Variants in PDE6B observed in about 807,000 individuals in gnomAD.
The protein encoded by PDE6B is rod cGMP-specific 3',5'-cyclic phosphodiesterase subunit beta.
Under a neutral mutation model 109.0 loss-of-function variants are expected in PDE6B, and 106 were observed. That is an observed-to-expected ratio of 0.97 (90% CI 0.83 to 1.14). PDE6B has a LOEUF of 1.14. PDE6B is among the 50% of genes most tolerant of loss of function. PDE6B has a pLI of 0.00. For synonymous variants in PDE6B, 490 were observed against 471.3 expected (o/e 1.04, Z -0.51); for missense variants, 1,193 against 1,155.6 (o/e 1.03, Z -0.47).
rs1737802350 is a variant in PDE6B at position 666,449 on chromosome 4, G to C, written c.2269-82G>C. On this transcript the variant is annotated intron_variant, in intron 19 of 21. Transcript: ENST00000496514. This position sits in a 1 kb window ranked among gnomAD's most constrained non-coding sequence, Gnocchi z 5.6. The stretch of plus-strand genomic sequence containing the variant: ...GCTGTGTCTCCATGAGCACATCTGA[G>C]TGAGGGGGTCGGGGGGCTGGGCGGG... 1 of 882,550 alleles carries C rather than the reference G, an allele frequency of 1.1e-6. No homozygotes were observed. Among genetic ancestry groups the C allele is most frequent in the Non-Finnish European group, 1.9e-6 (1 of 517,456 alleles). The allele number at this position is 882,550 out of a possible 1,614,324, so 54.7% of individuals were successfully genotyped here.
In PDE6B at chr4:650,666, G is replaced by C. The variant is rs559651479; in HGVS notation, c.712-3186G>C. On this transcript the variant is annotated intron_variant, in intron 3 of 21. Coordinates refer to ENST00000496514, the MANE Select transcript of PDE6B (RefSeq NM_000283.4). ...CAGCTCCGACACCCACACACAGGGA[G>C]GGGGGCCGGCAGGGAGGGCTGGCGT... Among the ~76,000 whole-genome samples the C allele has an allele frequency of 4.6e-5, 7 of 152,328 alleles. 1 individual carries two copies. The South Asian group carries it at 1.2e-3, about 27-fold the overall frequency.
Position 667,885 on chromosome 4 carries a change from G to C in PDE6B, c.2382G>C (p.Leu794=). ...TCTCTCGTTTCCACGAAGAGATCCT[G>C]CCCATGTTCGACCGACTGCAGAACA... The part of the protein sequence containing the change: ...KEFSRFHEEI[L]PMFDRLQNNR... The change falls in exon 21 of 22, where the codon CTG becomes CTC. Residue 794 remains leucine (L), a synonymous_variant. Coordinates refer to ENST00000496514, the MANE Select transcript of PDE6B (RefSeq NM_000283.4). 6.2e-7 allele frequency: 1 copy of C among 1,613,508 alleles called. No individual in the cohort carries two copies. Among genetic ancestry groups the C allele is most frequent in the Non-Finnish European group, 8.5e-7 (1 of 1,179,722 alleles).
intron 21 of PDE6B, among the ~76,000 whole-genome samples, chr4:668,346 C>T (rs904671602): frequency 2.6e-5 from 4 of 151,898 alleles, no homozygotes; most frequent in Non-Finnish European, 5.9e-5. Context: ...GCATCGTGGT[C>T]TTGCCATTGG....
At chr4:650,755 C>T (rs1735467395) in intron 3 of PDE6B, among the ~76,000 whole-genome samples, 1 of 152,010 alleles carries the variant, frequency 6.6e-6, no homozygotes, top group Non-Finnish European at 1.5e-5. Flanking sequence ...TCAGAGCAGG[C>T]CAGGGTCGGA....
intron 1 of PDE6B, among the ~76,000 whole-genome samples, chr4:632,110 G>A (rs1734414647): frequency 6.6e-6 from 1 of 152,030 alleles, no homozygotes; most frequent in South Asian, 2.1e-4. Flanking sequence ...ATGGATTCAT[G>A]TGGCACCATC....
At position 648,965 on chromosome 4, in the gene PDE6B, GA is replaced by G. The variant is rs1307194649; in HGVS notation, c.712-4885del. Among the ~76,000 whole-genome samples the G allele has an allele frequency of 6.6e-6, 1 of 152,254 alleles. No homozygotes were observed. Among genetic ancestry groups the G allele is most frequent in the Non-Finnish European group, 1.5e-5 (1 of 68,042 alleles). On this transcript the variant is annotated intron_variant, in intron 3 of 21. Coordinates refer to ENST00000496514, the MANE Select transcript of PDE6B (RefSeq NM_000283.4). The surrounding 1 kb of genome is among the most constrained non-coding windows in gnomAD (Gnocchi z 4.5). ...TCCTGTGAGGAAGCAGAGCCATTCA[GA>G]AGTGAGAGGCGGCCAGGAGGGGCGG...
At chr4:630,183 C>T (rs1734314954) in intron 1 of PDE6B, among the ~76,000 whole-genome samples, 2 of 152,176 alleles carry the variant, frequency 1.3e-5, no homozygotes, top group South Asian at 4.1e-4. Context: ...CTGCATTTCA[C>T]AATGGGTGGG....
At chr4:659,053 G>A (rs751657020) in intron 11 of PDE6B, 36 bp downstream of exon 11, 15 of 1,490,120 alleles carry the variant, frequency 1.0e-5, no homozygotes, top group African/African-American at 6.9e-5. Flanking sequence ...CATGGAGGCC[G>A]GCCACGTGTG....
Position 665,574 on chromosome 4 carries a change from C to T in PDE6B, c.2268+245C>T, listed in dbSNP as rs532627576. 2.6e-5 allele frequency among the ~76,000 whole-genome samples: 4 copies of T among 152,282 alleles called. No homozygotes were observed. In the East Asian group the frequency reaches 7.7e-4, roughly 29 times the overall value. On this transcript the variant is annotated intron_variant, in intron 19 of 21. Coordinates refer to ENST00000496514, the MANE Select transcript of PDE6B (RefSeq NM_000283.4). The surrounding 1 kb of genome is among the most constrained non-coding windows in gnomAD (Gnocchi z 4.0). ...ACTGGAGGAACCAGGGCCACCCGCTCATCACCAGGAGCCTCTGGGTCCAGG... is the reference window on the plus strand; with the variant it reads ...ACTGGAGGAACCAGGGCCACCCGCTTATCACCAGGAGCCTCTGGGTCCAGG...
chr4:668,263 A>T (rs1738030395), intron 21 of PDE6B, among the ~76,000 whole-genome samples: 1 of 151,876 alleles, frequency 6.6e-6, no homozygotes, highest in Non-Finnish European at 1.5e-5. Context: ...AGAAAGAAGT[A>T]ACCATATCTT....
chr4:650,022 C>G (rs776043852), intron 3 of PDE6B, among the ~76,000 whole-genome samples: 6 of 152,218 alleles, frequency 3.9e-5, no homozygotes, highest in African/African-American at 7.2e-5. Flanking sequence ...GCAGGAGGGA[C>G]ACAACCTCAG....
rs1231216242 is a variant in PDE6B at position 625,748 on chromosome 4, C to T, written c.122C>T (p.Pro41Leu). The change falls in exon 1 of 22, where the codon CCG becomes CTG. Residue 41 changes from proline (P) to leucine (L), a missense_variant. Physicochemically the swap from Pro to Leu is moderately conservative, Grantham distance 98. Transcript: ENST00000496514. This position sits in a 1 kb window ranked among gnomAD's most constrained non-coding sequence, Gnocchi z 5.0. Reference protein sequence around the residue: ...NVAAACEDGCPPDCDSLRDLC... With the variant: ...NVAAACEDGCLPDCDSLRDLC... ...GCCGCGGCCTGCGAGGACGGGTGCC[C>T]GCCGGACTGCGACAGCCTCCGGGAC... The T allele has an allele frequency of 1.5e-5, 24 of 1,613,418 alleles. No homozygotes were observed. Among genetic ancestry groups the T allele is most frequent in the African/African-American group, 2.7e-5 (2 of 75,054 alleles).
intron 3 of PDE6B, among the ~76,000 whole-genome samples, chr4:650,829 C>T (rs1176957607): frequency 6.6e-6 from 1 of 152,110 alleles, no homozygotes; most frequent in African/African-American, 2.4e-5. Context: ...TGCCCTGAGC[C>T]CGAGCCGGCA....
Position 663,024 on chromosome 4 carries a change from A to G in PDE6B, c.1833-76A>G. On this transcript the variant is annotated intron_variant, in intron 14 of 21. Coordinates refer to ENST00000496514, the MANE Select transcript of PDE6B (RefSeq NM_000283.4). This position sits in a 1 kb window ranked among gnomAD's most constrained non-coding sequence, Gnocchi z 4.0. ...TCTCAAAAAAAAGAAAGTGGGGCCCATCTGGGGGGGCTGCAGAGCGCAGGG... is the reference window on the plus strand; with the variant it reads ...TCTCAAAAAAAAGAAAGTGGGGCCCGTCTGGGGGGGCTGCAGAGCGCAGGG... 1 of 854,978 alleles carries G rather than the reference A, an allele frequency of 1.2e-6. No homozygotes were observed. The highest frequency in any genetic ancestry group is 2.0e-6 in the Non-Finnish European group (1 of 487,980). 53.0% of individuals were successfully genotyped at this position (854,978 alleles called of 1,614,324 possible).
At chr4:640,034 A>G (rs570368910) in intron 3 of PDE6B, among the ~76,000 whole-genome samples, 3 of 152,190 alleles carry the variant, frequency 2.0e-5, no homozygotes, top group South Asian at 2.1e-4. Context: ...GACCAGGAGC[A>G]GTGGCTCACC....
At chr4:627,459 C>G (rs1208815308) in intron 1 of PDE6B, among the ~76,000 whole-genome samples, 2 of 152,110 alleles carry the variant, frequency 1.3e-5, no homozygotes, top group African/African-American at 4.8e-5. Flanking sequence ...AGTGGCAATC[C>G]TCTTATCCCA....
At chr4:637,079 G>C (rs1322597962) in intron 3 of PDE6B, among the ~76,000 whole-genome samples, 1 of 152,190 alleles carries the variant, frequency 6.6e-6, no homozygotes, top group African/African-American at 2.4e-5. Flanking sequence ...GGACTTATGA[G>C]TATTGTATGC....
chr4:627,162 T>C (rs536657899), intron 1 of PDE6B, among the ~76,000 whole-genome samples: 1 of 151,568 alleles, frequency 6.6e-6, no homozygotes, highest in South Asian at 2.1e-4. Context: ...TTTTTTTTTT[T>C]TTGAGACAGA....
intron 1 of PDE6B, among the ~76,000 whole-genome samples, chr4:632,273 G>A (rs1301170472): frequency 6.6e-6 from 1 of 150,816 alleles, no homozygotes; most frequent in African/African-American, 2.4e-5. Flanking sequence ...ACTGTCTGGG[G>A]GTCACGTTGT....
Sources: gnomAD v4.1 joint callset for allele counts (sites outside exome capture counted in the v4.1 genomes callset) on GRCh38, gnomAD v4.1.1 for gene constraint, Gnocchi (gnomAD v3.1) non-coding constraint, MANE v1.5 for transcripts, NCBI Gene and HGNC (gene_info 2026-07-23, HGNC 2026-07-21) for gene names.